Variants in GRAMD2A observed in about 807,000 individuals in gnomAD.
The protein encoded by GRAMD2A is GRAM domain containing 2A.
In GRAMD2A, 37 loss-of-function variants were observed where a neutral mutation model predicts 51.1. The observed-to-expected ratio is 0.72, with a 90% CI of 0.56 to 0.95. The LOEUF (loss-of-function observed/expected upper bound fraction) is 0.95. Ranked by LOEUF, GRAMD2A falls within the 40% of genes least tolerant of loss-of-function variation. The pLI is 0.00. For missense variants in GRAMD2A, 414 were observed against 426.9 expected, an observed-to-expected ratio of 0.97 and a Z score of 0.27; for synonymous variants, 136 against 157.1, an observed-to-expected ratio of 0.87 and a Z score of 1.01.
At chr15:72,163,799 G>C in intron 8 of GRAMD2A, 42 bp from the exon 9 acceptor site, 1 of 1,593,536 alleles carries the variant, frequency 6.3e-7, no homozygotes, top group Non-Finnish European at 8.5e-7. Flanking sequence ...TGGCCCTTGC[G>C]ATCTCACTTG....
At position 72,185,351 on chromosome 15, in the gene GRAMD2A, A is replaced by G. The variant is rs191288025; in HGVS notation, c.41+12380T>C. ...TAGGACTACAGGCACGTGCCACCATACCTGGCTAATTTTTGTATTTTTAAT... is the reference window on the plus strand; with the variant it reads ...TAGGACTACAGGCACGTGCCACCATGCCTGGCTAATTTTTGTATTTTTAAT... On this transcript the variant is annotated intron_variant, in intron 1 of 11. Transcript: ENST00000309731. 8.6e-4 allele frequency among the ~76,000 whole-genome samples: 131 copies of G among 151,676 alleles called. 1 individual carries two copies. Among genetic ancestry groups the G allele is most frequent in the Non-Finnish European group, 1.9e-4 (13 of 67,878 alleles).
intron 8 of GRAMD2A, 136 bp from the exon 9 acceptor site, chr15:72,163,893 A>G (rs2081510591): frequency 2.2e-6 from 2 of 890,022 alleles, no homozygotes; most frequent in East Asian, 5.4e-5. Flanking sequence ...GGAAGCAGGT[A>G]CAAGCGAGGA....
rs1451177252 is a variant in GRAMD2A at position 72,165,551 on chromosome 15, A to G, written c.544-141T>C. 1.0e-5 allele frequency: 8 copies of G among 773,282 alleles called. 1 individual carries two copies. The highest frequency in any genetic ancestry group is 1.7e-5 in the Non-Finnish European group (8 of 475,174). The allele number at this position is 773,282 out of a possible 1,614,324, so 47.9% of individuals were successfully genotyped here. ...AGGTGAAGCCCAGCTCCCAGGGTCT[A>G]TAGGGGGCCCCCTATTTAATGCTGG... On this transcript the variant is annotated intron_variant, in intron 7 of 11. Coordinates refer to ENST00000309731, the MANE Select transcript of GRAMD2A (RefSeq NM_001012642.3).
At chr15:72,192,207 G>C (rs1450174784) in intron 1 of GRAMD2A, among the ~76,000 whole-genome samples, 1 of 152,176 alleles carries the variant, frequency 6.6e-6, no homozygotes, top group Non-Finnish European at 1.5e-5. Flanking sequence ...GCTAAAACCA[G>C]GAGATGGGTA....
intron 1 of GRAMD2A, among the ~76,000 whole-genome samples, chr15:72,195,265 T>C (rs558185856): frequency 3.2e-4 from 49 of 152,318 alleles, no homozygotes; most frequent in Non-Finnish European, 5.9e-4. Flanking sequence ...CCTTACCTTA[T>C]GGTGTAAAGC....
intron 1 of GRAMD2A, among the ~76,000 whole-genome samples, chr15:72,172,308 A>T (rs1487142767): frequency 6.6e-6 from 1 of 151,716 alleles, no homozygotes; most frequent in African/African-American, 2.4e-5. Context: ...TTTTGTAGAC[A>T]GCGGGGGTCT....
At chr15:72,162,239 A>T (rs1206952415) in intron 11 of GRAMD2A, 34 bp downstream of exon 11, 2 of 1,516,292 alleles carry the variant, frequency 1.3e-6, no homozygotes, top group Non-Finnish European at 1.8e-6. Context: ...TCAACCCTCA[A>T]TATCAAAGGC....
At chr15:72,184,804 G>T (rs1338011423) in intron 1 of GRAMD2A, among the ~76,000 whole-genome samples, 1 of 152,216 alleles carries the variant, frequency 6.6e-6, no homozygotes, top group African/African-American at 2.4e-5. Flanking sequence ...ACACAGGAGA[G>T]AAAAACAAAT....
chr15:72,173,635 A>C (rs1332077182), intron 1 of GRAMD2A: 1 of 152,102 alleles, frequency 6.6e-6, no homozygotes, highest in Non-Finnish European at 1.5e-5. Context: ...TTTAAATTAA[A>C]AGCCAACTCC....
intron 1 of GRAMD2A, among the ~76,000 whole-genome samples, chr15:72,195,432 G>T (rs189647938): frequency 3.2e-4 from 48 of 152,312 alleles, no homozygotes; most frequent in Admixed American, 2.9e-3. Flanking sequence ...AAGCAGGTTA[G>T]GGGCGGGGTG....
intron 1 of GRAMD2A, among the ~76,000 whole-genome samples, chr15:72,185,286 C>T (rs34539253): frequency 0.062 from 9,424 of 151,818 alleles, 417 homozygotes; most frequent in Non-Finnish European, 0.097. Flanking sequence ...CTCTACCTCC[C>T]AGGTTCAAGC....
chr15:72,166,673 TGTCCCGGGAGAGCA>T lies in GRAMD2A; in HGVS notation c.488_501del (p.Leu163GlnfsTer4). 6.2e-7 allele frequency: 1 copy of T among 1,613,842 alleles called. No individual in the cohort carries two copies. Among genetic ancestry groups the T allele is most frequent in the Middle Eastern group, 1.6e-4 (1 of 6,062 alleles). ...ACTCTCCTCAGCAGGTCATATACAC[TGTCCCGGGAGAGCA>T]GTGACACAAAGATATACTGGGACAT... On this transcript the variant is annotated frameshift_variant, in exon 7 of 12. Transcript: ENST00000309731. LOFTEE classifies it high-confidence loss of function. The surrounding 1 kb of genome is among the most constrained non-coding windows in gnomAD (Gnocchi z 4.1).
Position 72,175,178 on chromosome 15 carries a change from C to G in GRAMD2A, c.42-5239G>C, listed in dbSNP as rs564617480. On this transcript the variant is annotated intron_variant, in intron 1 of 11. Coordinates refer to ENST00000309731, the MANE Select transcript of GRAMD2A (RefSeq NM_001012642.3). ...AGCCAATCAAGCCCTCAGGTCCCCC[C>G]CAAGATAACCCATAAAACCATCTCT... Among the ~76,000 whole-genome samples the G allele has an allele frequency of 8.5e-5, 13 of 152,266 alleles. No individual in the cohort carries two copies. In the South Asian group the frequency reaches 1.5e-3, roughly 17 times the overall value.
chr15:72,177,553 A>C (rs2081663238), intron 1 of GRAMD2A, among the ~76,000 whole-genome samples: 1 of 152,198 alleles, frequency 6.6e-6, no homozygotes, highest in African/African-American at 2.4e-5. Context: ...ATATGGATAG[A>C]CCACAATTTA....
At chr15:72,168,306 C>T (rs2081570584) in intron 4 of GRAMD2A, among the ~76,000 whole-genome samples, 185 bp downstream of exon 4, 1 of 152,228 alleles carries the variant, frequency 6.6e-6, no homozygotes, top group South Asian at 2.1e-4. Context: ...TTCAAAAATG[C>T]AATGCTATGT....
At chr15:72,169,543 C>T (rs1289415835) in intron 2 of GRAMD2A, 7 of 577,696 alleles carry the variant, frequency 1.2e-5, no homozygotes, top group Non-Finnish European at 2.3e-5. Context: ...GAGGCTACCA[C>T]ACTGGGAGAG....
chr15:72,164,867 G>A (rs180871217), intron 8 of GRAMD2A, among the ~76,000 whole-genome samples: 63 of 152,256 alleles, frequency 4.1e-4, no homozygotes, highest in Admixed American at 1.8e-3. Context: ...GGCTGGGCAC[G>A]GTGGCTCACG....
rs868307734 is a variant in GRAMD2A at position 72,161,230 on chromosome 15, C to T, written c.*779G>A. ...GTACCAGGTCTGTGACCACAGTGAT[C>T]AAAGGCCCTGCTCCACTTGTCTCAC... is the stretch of plus-strand genomic sequence containing the variant. On this transcript the variant is annotated 3_prime_UTR_variant, in exon 12 of 12. Coordinates refer to ENST00000309731, the MANE Select transcript of GRAMD2A (RefSeq NM_001012642.3). The T allele has an allele frequency of 6.6e-6, 1 of 152,334 alleles. No individual in the cohort carries two copies. Among genetic ancestry groups the T allele is most frequent in the South Asian group, 2.1e-4 (1 of 4,838 alleles). 9.4% of individuals were successfully genotyped at this position (152,334 alleles called of 1,614,324 possible).
intron 1 of GRAMD2A, chr15:72,175,737 C>T (rs1052107766): frequency 1.3e-5 from 2 of 152,314 alleles, no homozygotes; most frequent in African/African-American, 4.8e-5. Context: ...TCTGTTTACA[C>T]ATCTGTGTCC....
Sources: gnomAD v4.1 joint callset for allele counts (sites outside exome capture counted in the v4.1 genomes callset) on GRCh38, gnomAD v4.1.1 for gene constraint, Gnocchi (gnomAD v3.1) non-coding constraint, MANE v1.5 for transcripts, NCBI Gene and HGNC (gene_info 2026-07-23, HGNC 2026-07-21) for gene names.